Variants in LRRIQ1 observed in about 807,000 individuals in gnomAD.
LRRIQ1 encodes the protein leucine-rich repeat- and IQ domain-containing protein 1.
Under a neutral mutation model 211.9 loss-of-function variants are expected in LRRIQ1, and 210 were observed. The observed-to-expected ratio is 0.99, with a 90% confidence interval of 0.89 to 1.11. The LOEUF (loss-of-function observed/expected upper bound fraction) is 1.11. Ranked by LOEUF, LRRIQ1 falls within the 50% of genes most tolerant of loss-of-function variation. LRRIQ1 has a pLI of 0.00. For missense variants in LRRIQ1, 2,136 were observed against 1,939.5 expected (o/e 1.10, Z -1.90); for synonymous variants, 699 against 650.1 (o/e 1.08, Z -1.14).
At chr12:85,229,227 A>C (rs1393497367) in intron 24 of LRRIQ1, among the ~76,000 whole-genome samples, 1 of 152,152 alleles carries the variant, frequency 6.6e-6, no homozygotes, top group Non-Finnish European at 1.5e-5. Context: ...TCTACCAAAA[A>C]ATAACTCTCT....
chr12:85,127,817 T>G lies in LRRIQ1; in HGVS notation c.4008-15T>G. 6.2e-7 allele frequency: 1 copy of G among 1,602,206 alleles called. No individual in the cohort carries two copies. The highest frequency in any genetic ancestry group is 8.5e-7 in the Non-Finnish European group (1 of 1,175,956). ...TAATAAAAAAAGTGTGTGTTTTTTT[T>G]TCTCCTCTTAATAGTATGGCAGCTG... On this transcript the variant is annotated splice_polypyrimidine_tract_variant and intron_variant, in intron 17 of 26. Transcript: ENST00000393217.
At chr12:85,051,169 T>C (rs1020013208) in intron 6 of LRRIQ1, among the ~76,000 whole-genome samples, 1 of 151,786 alleles carries the variant, frequency 6.6e-6, no homozygotes, top group African/African-American at 2.4e-5. Flanking sequence ...CCTAGCACTT[T>C]CTCCTCTCTC....
chr12:85,172,342 G>C (rs1482613920), intron 24 of LRRIQ1, among the ~76,000 whole-genome samples: 1 of 152,168 alleles, frequency 6.6e-6, no homozygotes, highest in Non-Finnish European at 1.5e-5. Context: ...ATCTTGGAAA[G>C]TTTGTCATCC....
chr12:85,266,895 C>T (rs1896432264), downstream of LRRIQ1, among the ~76,000 whole-genome samples: 1 of 152,208 alleles, frequency 6.6e-6, no homozygotes, highest in South Asian at 2.1e-4. Context: ...GTTCTCCTTA[C>T]ATTTCATGGT....
At chr12:85,090,982 G>A (rs1364856545) in intron 11 of LRRIQ1, among the ~76,000 whole-genome samples, 1 of 152,096 alleles carries the variant, frequency 6.6e-6, no homozygotes, top group Admixed American at 6.5e-5. Flanking sequence ...TGACTTATGG[G>A]GTGGATCCCT....
chr12:85,113,196 G>T (rs772552943), intron 15 of LRRIQ1, among the ~76,000 whole-genome samples: 3 of 152,110 alleles, frequency 2.0e-5, no homozygotes, highest in Non-Finnish European at 4.4e-5. Flanking sequence ...AACATAATTG[G>T]TGACAGAATT....
chr12:85,098,296 TTCTTC>T, intron 11 of LRRIQ1, 54 bp from the exon 12 acceptor site: 1 of 1,161,098 alleles, frequency 8.6e-7, no homozygotes, highest in Admixed American at 2.7e-5. Context: ...AATGGAAACT[TTCTTC>T]TAGAGTCTGG....
intron 1 of LRRIQ1, among the ~76,000 whole-genome samples, chr12:85,036,623 T>C (rs763033648): frequency 1.3e-5 from 2 of 152,178 alleles, no homozygotes; most frequent in Non-Finnish European, 2.9e-5. Context: ...GTCTTGGCTA[T>C]GTAGGGATCA....
chr12:85,070,613 C>G (rs1043708825), intron 10 of LRRIQ1, among the ~76,000 whole-genome samples: 9 of 151,990 alleles, frequency 5.9e-5, no homozygotes, highest in South Asian at 2.1e-4. Flanking sequence ...CTACCTTTCT[C>G]TCTCTCTCTC....
intron 3 of LRRIQ1, among the ~76,000 whole-genome samples, chr12:85,042,972 C>T (rs1879079566): frequency 6.6e-6 from 1 of 151,984 alleles, no homozygotes; most frequent in East Asian, 1.9e-4. Context: ...ACTCTAGCTA[C>T]TTTAGGCAGT....
chr12:85,101,254 T>C (rs1350105931), intron 13 of LRRIQ1, among the ~76,000 whole-genome samples: 1 of 151,842 alleles, frequency 6.6e-6, no homozygotes, highest in Non-Finnish European at 1.5e-5. Flanking sequence ...GGAATACATA[T>C]AAAGAATGAT....
chr12:85,159,805 T>A (rs571747735), intron 23 of LRRIQ1, among the ~76,000 whole-genome samples: 71 of 151,958 alleles, frequency 4.7e-4, no homozygotes, highest in Non-Finnish European at 9.0e-4. Context: ...TTTTATGAAA[T>A]ATATATACAC....
At chr12:85,085,231 C>T (rs1481644239) in intron 11 of LRRIQ1, among the ~76,000 whole-genome samples, 1 of 152,124 alleles carries the variant, frequency 6.6e-6, no homozygotes, top group African/African-American at 2.4e-5. Flanking sequence ...ATTCGCAGTT[C>T]CGCACAGCTG....
downstream of LRRIQ1, chr12:85,245,126 A>C: frequency 9.3e-7 from 1 of 1,073,458 alleles, no homozygotes; most frequent in East Asian, 3.0e-5. Context: ...TTTTATTTTA[A>C]TTGTATTTGG....
intron 1 of LRRIQ1, among the ~76,000 whole-genome samples, chr12:85,261,674 C>T (rs1896291854): frequency 6.6e-6 from 1 of 152,028 alleles, no homozygotes; most frequent in Non-Finnish European, 1.5e-5. Flanking sequence ...CTGCTACTTC[C>T]AAACCCTTTC....
chr12:85,079,531 A>G (rs1198251435), intron 11 of LRRIQ1, among the ~76,000 whole-genome samples: 1 of 151,930 alleles, frequency 6.6e-6, no homozygotes, highest in East Asian at 1.9e-4. Context: ...CCCAGCCTCT[A>G]TCTTTTTACT....
chr12:85,091,751 G>A (rs1885416239), intron 11 of LRRIQ1, among the ~76,000 whole-genome samples: 1 of 152,182 alleles, frequency 6.6e-6, no homozygotes, highest in South Asian at 2.1e-4. Context: ...TATTGAATAG[G>A]GAGCCCTTTC....
intron 26 of LRRIQ1, among the ~76,000 whole-genome samples, chr12:85,244,096 A>G (rs1161437249): frequency 6.6e-6 from 1 of 151,542 alleles, no homozygotes; most frequent in Non-Finnish European, 1.5e-5. Flanking sequence ...GATATTCAAC[A>G]TTATGTACAA....
chr12:85,197,263 A>C (rs1235268929), intron 24 of LRRIQ1, among the ~76,000 whole-genome samples: 2 of 151,410 alleles, frequency 1.3e-5, no homozygotes, highest in African/African-American at 4.9e-5. Context: ...TGTGGAAGTC[A>C]GTGTGGCGAT....
Sources: allele counts gnomAD v4.1 joint callset (sites outside exome capture counted in the v4.1 genomes callset), GRCh38; gene constraint gnomAD v4.1.1; transcripts MANE v1.5; gene names NCBI Gene and HGNC (gene_info 2026-07-23, HGNC 2026-07-21).